ZDHHC14: variants seen among roughly 807,000 people sequenced by gnomAD.
The protein encoded by ZDHHC14 is palmitoyltransferase ZDHHC14.
Under a neutral mutation model 47.7 loss-of-function variants are expected in ZDHHC14, and 16 were observed. The ratio of observed to expected loss-of-function variants is 0.34; its 90% confidence interval spans 0.23 to 0.51. The LOEUF (loss-of-function observed/expected upper bound fraction) is 0.51. Among genes scored for constraint, ZDHHC14 ranks in the 20% least tolerant of loss-of-function variants. ZDHHC14 has a pLI of 0.97. For missense variants in ZDHHC14, 515 were observed against 662.5 expected (o/e 0.78, Z 2.44); for synonymous variants, 293 against 278.9 (o/e 1.05, Z -0.50).
At chr6:157,667,222 G>A (rs556996036) in intron 8 of ZDHHC14, among the ~76,000 whole-genome samples, 8 of 152,224 alleles carry the variant, frequency 5.3e-5, no homozygotes, top group African/African-American at 1.9e-4. Context: ...TATCTAAGTG[G>A]TCAGCTGTTT....
chr6:157,471,931 G>A (rs1455528200), intron 1 of ZDHHC14, among the ~76,000 whole-genome samples: 2 of 152,212 alleles, frequency 1.3e-5, no homozygotes, highest in Admixed American at 1.3e-4. Flanking sequence ...GGCACCGGGT[G>A]AAACTTGGGC....
chr6:157,462,005 G>T (rs1779099256), intron 1 of ZDHHC14, among the ~76,000 whole-genome samples: 1 of 152,166 alleles, frequency 6.6e-6, no homozygotes. Context: ...GTCAGATCCT[G>T]GTCTATCATG....
At chr6:157,522,654 A>G (rs1435195692) in intron 1 of ZDHHC14, among the ~76,000 whole-genome samples, 1 of 151,658 alleles carries the variant, frequency 6.6e-6, no homozygotes, top group African/African-American at 2.4e-5. Flanking sequence ...TAATATAAGA[A>G]TTGATTTTTT....
chr6:157,490,271 T>C (rs2114726586), intron 1 of ZDHHC14, among the ~76,000 whole-genome samples: 1 of 152,308 alleles, frequency 6.6e-6, no homozygotes, highest in South Asian at 2.1e-4. Flanking sequence ...CATTCACGGT[T>C]TTCCAATTCT....
chr6:157,545,718 A>G (rs956022310), intron 2 of ZDHHC14, among the ~76,000 whole-genome samples: 3 of 151,896 alleles, frequency 2.0e-5, no homozygotes, highest in Admixed American at 2.0e-4. Context: ...GGGAGAGAGG[A>G]AAAAGATGGG....
At chr6:157,488,095 C>T (rs1243000513) in intron 1 of ZDHHC14, among the ~76,000 whole-genome samples, 2 of 152,194 alleles carry the variant, frequency 1.3e-5, no homozygotes, top group East Asian at 3.9e-4. Flanking sequence ...CATCCCGTAC[C>T]CACCACGCAA....
In ZDHHC14 at chr6:157,653,762, T is replaced by C. The variant is rs1583079184; in HGVS notation, c.1068+135T>C. The C allele has an allele frequency of 2.5e-5, 19 of 761,158 alleles. No individual in the cohort carries two copies. The East Asian group carries it at 4.9e-4, about 20-fold the overall frequency. 47.2% of individuals were successfully genotyped at this position (761,158 alleles called of 1,614,324 possible). A position where few individuals can be genotyped will look rare whatever the true frequency, so the allele number is the denominator to read the frequency against. ...CCACAGCCGCCCACCCCATGACTAC[T>C]GCGCTCAGACAGGAGGCAAGGCGTT... is the stretch of plus-strand genomic sequence containing the variant. On this transcript the variant is annotated intron_variant, in intron 8 of 8. Coordinates refer to ENST00000359775, the MANE Select transcript of ZDHHC14 (RefSeq NM_024630.3).
intron 1 of ZDHHC14, among the ~76,000 whole-genome samples, chr6:157,464,241 T>C (rs191079459): frequency 6.6e-6 from 1 of 152,334 alleles, no homozygotes; most frequent in Admixed American, 6.5e-5. Flanking sequence ...TTGAGAAGAC[T>C]ACAACCTGAA....
At chr6:157,456,713 A>G (rs1778925681) in intron 1 of ZDHHC14, among the ~76,000 whole-genome samples, 1 of 152,168 alleles carries the variant, frequency 6.6e-6, no homozygotes, top group Non-Finnish European at 1.5e-5. Flanking sequence ...TTGGAAATTT[A>G]CCAAGGGAGG....
intron 1 of ZDHHC14, among the ~76,000 whole-genome samples, chr6:157,447,346 A>G (rs1360952168): frequency 6.6e-6 from 1 of 152,072 alleles, no homozygotes; most frequent in Non-Finnish European, 1.5e-5. Flanking sequence ...CCTACTTTCT[A>G]TGGGCCATGC....
At chr6:157,512,609 G>A (rs1454028726) in intron 1 of ZDHHC14, among the ~76,000 whole-genome samples, 1 of 152,206 alleles carries the variant, frequency 6.6e-6, no homozygotes, top group Admixed American at 6.5e-5. Flanking sequence ...AAGGAAGGCA[G>A]ATGTGGGAGG....
chr6:157,611,732 T>C (rs537453928), intron 3 of ZDHHC14, among the ~76,000 whole-genome samples: 2 of 152,332 alleles, frequency 1.3e-5, no homozygotes, highest in South Asian at 4.1e-4. Flanking sequence ...ATTTCTTCCA[T>C]ACCCAGAAAA....
At chr6:157,604,920 A>G (rs568884498) in intron 3 of ZDHHC14, among the ~76,000 whole-genome samples, 3 of 152,220 alleles carry the variant, frequency 2.0e-5, no homozygotes, top group African/African-American at 4.8e-5. Flanking sequence ...GCTTCCAGCA[A>G]TGGATATTGG....
chr6:157,588,302 T>A (rs1367659876), intron 2 of ZDHHC14, among the ~76,000 whole-genome samples: 1 of 151,358 alleles, frequency 6.6e-6, no homozygotes, highest in Admixed American at 6.6e-5. Context: ...ATTTAAAAAA[T>A]TTAAAAATTA....
intron 2 of ZDHHC14, among the ~76,000 whole-genome samples, chr6:157,556,671 G>T (rs1470682727): frequency 1.3e-5 from 2 of 152,182 alleles, no homozygotes; most frequent in Non-Finnish European, 2.9e-5. Context: ...GACTGAACAA[G>T]AAAGCCAGAG....
chr6:157,650,036 C>T (rs1376038913), intron 7 of ZDHHC14, among the ~76,000 whole-genome samples: 2 of 143,722 alleles, frequency 1.4e-5, no homozygotes, highest in South Asian at 2.3e-4. Context: ...TGGGGGTGCA[C>T]GGGAGAGGGG....
At chr6:157,409,844 G>T (rs537160154) in intron 1 of ZDHHC14, among the ~76,000 whole-genome samples, 1 of 151,550 alleles carries the variant, frequency 6.6e-6, no homozygotes, top group Non-Finnish European at 1.5e-5. Context: ...TTTTTTGGGG[G>T]GGGGGACAGA....
rs540229878 is a variant in ZDHHC14, at chr6:157,430,732, C to T, written c.245+48466C>T. Among the ~76,000 whole-genome samples, 15 of 152,312 alleles carry T rather than the reference C, an allele frequency of 9.8e-5. No homozygotes were observed. The South Asian group carries it at 2.1e-3, about 21-fold the overall frequency. On this transcript the variant is annotated intron_variant, in intron 1 of 8. Coordinates refer to ENST00000359775, the MANE Select transcript of ZDHHC14 (RefSeq NM_024630.3). The stretch of plus-strand genomic sequence containing the variant: ...CACTTAACGTATTCACAGGTTCTGG[C>T]GATTAGCGTATGGACATCTCTGTGG...
At position 157,451,622 on chromosome 6, in the gene ZDHHC14, G is replaced by A. The variant is rs112426847; in HGVS notation, c.245+69356G>A. 6.2e-3 allele frequency among the ~76,000 whole-genome samples: 939 copies of A among 152,276 alleles called. 6 individuals are homozygous for A. Among genetic ancestry groups the A allele is most frequent in the African/African-American group, 0.021 (878 of 41,554 alleles). On this transcript the variant is annotated intron_variant, in intron 1 of 8. Transcript: ENST00000359775. ...GTCACCCAGGCTGGAGGGCAGTGGCGCAATATCAGCTCACTGCAATCTCCG... is the reference window on the plus strand; with the variant it reads ...GTCACCCAGGCTGGAGGGCAGTGGCACAATATCAGCTCACTGCAATCTCCG...
Sources: allele counts gnomAD v4.1 joint callset (sites outside exome capture counted in the v4.1 genomes callset), GRCh38; gene constraint gnomAD v4.1.1; transcripts MANE v1.5; gene names NCBI Gene and HGNC (gene_info 2026-07-23, HGNC 2026-07-21).